Variants in DMXL1 observed in about 807,000 individuals in gnomAD.
DMXL1 encodes the protein Dmx like 1, also known as dmX-like protein 1.
Under a neutral mutation model 319.2 loss-of-function variants are expected in DMXL1, and 99 were observed. The ratio of observed to expected loss-of-function variants is 0.31; its 90% CI spans 0.26 to 0.37. The LOEUF (loss-of-function observed/expected upper bound fraction) is 0.37, where lower values mean the gene tolerates loss of function less well. Among genes scored for constraint, DMXL1 ranks in the 10% least tolerant of loss-of-function variants. The pLI is 1.00. For missense variants in DMXL1, 3,745 were observed against 3,595.6 expected, an observed-to-expected ratio of 1.04 and a Z score of -1.06; for synonymous variants, 1,385 against 1,235.2, an observed-to-expected ratio of 1.12 and a Z score of -2.54.
At chr5:119,147,187 C>A (rs945615426) in intron 16 of DMXL1, 62 bp from the exon 17 acceptor site, 2 of 1,396,072 alleles carry the variant, frequency 1.4e-6, no homozygotes, top group Admixed American at 4.2e-5. Context: ...TAAAATGTAA[C>A]AATCGTAATA....
chr5:119,106,952 G>A (rs750347237), intron 4 of DMXL1, among the ~76,000 whole-genome samples: 3 of 152,198 alleles, frequency 2.0e-5, no homozygotes, highest in Non-Finnish European at 1.5e-5. Flanking sequence ...GTTAGAGGTA[G>A]TGGAACATAA....
At chr5:119,197,398 T>C (rs191336396) in intron 31 of DMXL1, among the ~76,000 whole-genome samples, 133 of 152,364 alleles carry the variant, frequency 8.7e-4, no homozygotes, top group African/African-American at 3.1e-3. Flanking sequence ...TATTCAAAGC[T>C]GTCTGGGCCG....
At position 119,082,058 on chromosome 5, in the gene DMXL1, T is replaced by C. The variant is rs545649868; in HGVS notation, c.87+10402T>C. ...ACACACACACACACACACACACACA[T>C]ACACGTATATACATGTTCTTAGAAT... On this transcript the variant is annotated intron_variant, in intron 1 of 43. Coordinates refer to ENST00000539542, the MANE Select transcript of DMXL1 (RefSeq NM_001290321.3). Among the ~76,000 whole-genome samples the C allele has an allele frequency of 3.1e-3, 394 of 128,260 alleles. 4 individuals carry two copies. Among genetic ancestry groups the C allele is most frequent in the Admixed American group, 0.018 (230 of 12,546 alleles). The allele number at this position is 128,260 out of a possible 152,430, so 84.1% of individuals were successfully genotyped here.
intron 32 of DMXL1, among the ~76,000 whole-genome samples, chr5:119,202,903 A>ATT (rs1262795969): frequency 3.5e-5 from 5 of 144,272 alleles, no homozygotes; most frequent in Admixed American, 1.4e-4. Context: ...ATATATATAT[A>ATT]TATTTATATA....
intron 9 of DMXL1, among the ~76,000 whole-genome samples, chr5:119,122,716 C>T (rs1242781637): frequency 3.3e-5 from 5 of 151,304 alleles, no homozygotes; most frequent in Admixed American, 6.6e-5. Context: ...GGCGGCGGGG[C>T]AGAGACGCTC....
chr5:119,143,968 A>C, intron 14 of DMXL1, 38 bp downstream of exon 14: 2 of 1,265,970 alleles, frequency 1.6e-6, no homozygotes, highest in South Asian at 1.4e-5. Flanking sequence ...TATTAAAAAA[A>C]AGTTTATGAA....
chr5:119,203,494 T>C (rs949661651), intron 33 of DMXL1, 58 bp downstream of exon 33: 6 of 1,003,804 alleles, frequency 6.0e-6, no homozygotes, highest in African/African-American at 4.9e-5. Flanking sequence ...TATATTATCA[T>C]GTAACCATTA....
At position 119,245,737 on chromosome 5, in the gene DMXL1, G is replaced by A. The variant is rs1465827582; in HGVS notation, c.8922+1161G>A. Among the ~76,000 whole-genome samples, 6 of 151,822 alleles carry A rather than the reference G, an allele frequency of 4.0e-5. No homozygotes were observed. The East Asian group carries it at 5.8e-4, about 15-fold the overall frequency. On this transcript the variant is annotated intron_variant, in intron 43 of 43. Coordinates refer to ENST00000539542, the MANE Select transcript of DMXL1 (RefSeq NM_001290321.3). ...TGTGTTTTAGTAGAGATGGGGTTTC[G>A]CCATGTTGGCCAGGATGGTCTCGAT...
chr5:119,128,290 A>G, intron 9 of DMXL1: 1 of 301,556 alleles, frequency 3.3e-6, no homozygotes, highest in Non-Finnish European at 6.5e-6. Context: ...CCCCACTGCC[A>G]TAAGTATGAA....
At chr5:119,175,132 A>G in intron 25 of DMXL1, 129 bp from the exon 26 acceptor site, 1 of 568,296 alleles carries the variant, frequency 1.8e-6, no homozygotes. Flanking sequence ...AAAAAAAGGA[A>G]ATAGTTCATG....
At chr5:119,246,093 A>G (rs1789710891) in intron 43 of DMXL1, among the ~76,000 whole-genome samples, 2 of 152,230 alleles carry the variant, frequency 1.3e-5, no homozygotes, top group South Asian at 4.1e-4. Flanking sequence ...CGTTCTTCCC[A>G]TAAGTAAAGA....
chr5:119,075,910 C>T (rs1046699937), intron 1 of DMXL1, among the ~76,000 whole-genome samples: 2 of 151,440 alleles, frequency 1.3e-5, no homozygotes, highest in Non-Finnish European at 3.0e-5. Flanking sequence ...TTATAAAAGG[C>T]AACAAGTTAA....
chr5:119,108,903 G>A (rs1473247554), intron 4 of DMXL1, among the ~76,000 whole-genome samples: 3 of 152,064 alleles, frequency 2.0e-5, no homozygotes, highest in Admixed American at 2.0e-4. Flanking sequence ...CCGGGTTCAA[G>A]TGATTCTCCT....
intron 1 of DMXL1, among the ~76,000 whole-genome samples, chr5:119,084,171 A>G (rs1459371238): frequency 6.7e-6 from 1 of 149,428 alleles, no homozygotes; most frequent in East Asian, 2.0e-4. Flanking sequence ...CCCAGGCTGG[A>G]GTGTGGTGGC....
intron 1 of DMXL1, among the ~76,000 whole-genome samples, chr5:119,090,501 A>T (rs1754516395): frequency 6.8e-6 from 1 of 147,582 alleles, no homozygotes; most frequent in African/African-American, 2.5e-5. Flanking sequence ...TTTTTGAGGT[A>T]ATTTTTTGTA....
intron 28 of DMXL1, among the ~76,000 whole-genome samples, chr5:119,185,044 C>A (rs1336913265): frequency 6.6e-6 from 1 of 152,082 alleles, no homozygotes; most frequent in Admixed American, 6.5e-5. Flanking sequence ...CTACTACTAT[C>A]GATCCAGATG....
intron 25 of DMXL1, among the ~76,000 whole-genome samples, chr5:119,174,567 C>T (rs933296492): frequency 2.0e-5 from 3 of 152,212 alleles, no homozygotes; most frequent in Non-Finnish European, 2.9e-5. Context: ...CCATTTTTAT[C>T]TACAAAATGA....
At chr5:119,154,422 T>C (rs900045940) in intron 19 of DMXL1, among the ~76,000 whole-genome samples, 1 of 152,210 alleles carries the variant, frequency 6.6e-6, no homozygotes, top group Non-Finnish European at 1.5e-5. Flanking sequence ...CCTTATTGCT[T>C]ATGTGGAGAA....
chr5:119,122,896 T>C (rs932783728), intron 9 of DMXL1, among the ~76,000 whole-genome samples: 10 of 149,896 alleles, frequency 6.7e-5, no homozygotes, highest in African/African-American at 2.2e-4. Flanking sequence ...ACTTCCCAGA[T>C]GGGGTGGCGG....
Sources: gnomAD v4.1 joint callset for allele counts (sites outside exome capture counted in the v4.1 genomes callset) on GRCh38, gnomAD v4.1.1 for gene constraint, MANE v1.5 for transcripts, NCBI Gene and HGNC (gene_info 2026-07-23, HGNC 2026-07-21) for gene names.